Variants in ZNF777 observed in about 807,000 individuals in gnomAD.
ZNF777 encodes zinc finger protein 777.
Under a neutral mutation model 72.1 loss-of-function variants are expected in ZNF777, and 7 were observed. The observed-to-expected ratio is 0.10, with a 90% confidence interval of 0.06 to 0.18. ZNF777 has a LOEUF of 0.18. Ranked by LOEUF, ZNF777 falls within the 10% of genes least tolerant of loss-of-function variation. ZNF777 has a pLI of 1.00. For missense variants in ZNF777, 828 were observed against 1,128.6 expected (o/e 0.73, Z 3.82); for synonymous variants, 545 against 483.5 (o/e 1.13, Z -1.67).
intron 2 of ZNF777, 79 bp from the exon 3 acceptor site, chr7:149,454,316 A>T (rs1799780283): frequency 6.3e-6 from 10 of 1,584,784 alleles, no homozygotes; most frequent in Non-Finnish European, 7.7e-6. Context: ...CAAGGCCCAA[A>T]CTCCTGGCTC....
chr7:149,451,749 C>T (rs991352808), intron 3 of ZNF777, among the ~76,000 whole-genome samples: 3 of 151,902 alleles, frequency 2.0e-5, no homozygotes, highest in Admixed American at 1.3e-4. Flanking sequence ...CATAAAATAT[C>T]GATAGATTTT....
chr7:149,456,295 T>C (rs1310700001), intron 1 of ZNF777, among the ~76,000 whole-genome samples: 3 of 152,116 alleles, frequency 2.0e-5, no homozygotes, highest in South Asian at 4.1e-4. Context: ...CAACATACAT[T>C]GCACGGGTAC....
intron 4 of ZNF777, among the ~76,000 whole-genome samples, chr7:149,450,291 C>T (rs779395970): frequency 8.5e-5 from 13 of 152,138 alleles, no homozygotes; most frequent in South Asian, 4.1e-4. Flanking sequence ...GTGAATGGGG[C>T]GACCTCCAGG....
chr7:149,458,316 G>A (rs1376186485), intron 1 of ZNF777, among the ~76,000 whole-genome samples: 1 of 152,188 alleles, frequency 6.6e-6, no homozygotes, highest in Non-Finnish European at 1.5e-5. Flanking sequence ...AGCGCTGGGG[G>A]CCCTGGAGGC....
chr7:149,446,070 T>C (rs574502893), intron 4 of ZNF777, among the ~76,000 whole-genome samples: 2 of 152,212 alleles, frequency 1.3e-5, no homozygotes, highest in Non-Finnish European at 2.9e-5. Flanking sequence ...TTTTTAAAAG[T>C]TTCTTCACTC....
In ZNF777 at chr7:149,460,212, G is replaced by A. The variant is rs1004996087; in HGVS notation, c.-16+603C>T. The stretch of plus-strand genomic sequence containing the variant: ...GCTACTGCCGCCGCCGCTACTGCGC[G>A]CGGCCCCACGCAGGCCCGGCCGCCC... On this transcript the variant is annotated intron_variant, in intron 1 of 5. Coordinates refer to ENST00000247930, the MANE Select transcript of ZNF777 (RefSeq NM_015694.3). This position sits in a 1 kb window ranked among gnomAD's most constrained non-coding sequence, Gnocchi z 6.1. 5.6e-4 allele frequency: 323 copies of A among 578,470 alleles called. 1 individual carries two copies. The African/African-American group carries it at 6.3e-3, about 11-fold the overall frequency. The allele number at this position is 578,470 out of a possible 1,614,324, so 35.8% of individuals were successfully genotyped here. A position where few individuals can be genotyped will look rare whatever the true frequency, so the allele number is the denominator to read the frequency against.
chr7:149,448,590 TATATATATA>T (rs1345332236), intron 4 of ZNF777, among the ~76,000 whole-genome samples: 9 of 50,806 alleles, frequency 1.8e-4, no homozygotes, highest in Non-Finnish European at 8.1e-5. Context: ...TATATATATA[TATATATATA>T]TATATATATA....
intron 4 of ZNF777, among the ~76,000 whole-genome samples, chr7:149,444,428 C>T (rs768897169): frequency 8.5e-5 from 13 of 152,308 alleles, no homozygotes; most frequent in African/African-American, 3.1e-4. Flanking sequence ...GTGCCCCACT[C>T]GACTGGCTGC....
rs1463002041 is a variant in ZNF777, at chr7:149,454,219, C to T, written c.865G>A (p.Asp289Asn). The T allele has an allele frequency of 3.7e-6, 6 of 1,614,036 alleles. No homozygotes were observed. In the African/African-American group the frequency reaches 8.0e-5, roughly 22 times the overall value. ...EVPKVPVTFD[D>N]VAVHFSEQEW... Reference sequence around the variant, plus strand: ...TGCTCCGAGAAGTGCACAGCAACATCATCAAATGTGACAGGGACCTGAAAC... The same window carrying T: ...TGCTCCGAGAAGTGCACAGCAACATTATCAAATGTGACAGGGACCTGAAAC... The change falls in exon 3 of 6, where the codon GAT (aspartate) becomes AAT (asparagine). Residue 289 changes from aspartate (D) to asparagine (N), a missense_variant. Asp to Asn is a conservative substitution (Grantham distance 23). Transcript: ENST00000247930.
chr7:149,435,105 C>A (rs753040461), intron 5 of ZNF777, among the ~76,000 whole-genome samples: 1 of 152,152 alleles, frequency 6.6e-6, no homozygotes, highest in Non-Finnish European at 1.5e-5. Flanking sequence ...TTATGAAAGA[C>A]AGCATGGTAT....
At chr7:149,458,425 T>C (rs1051172622) in intron 1 of ZNF777, among the ~76,000 whole-genome samples, 1 of 151,880 alleles carries the variant, frequency 6.6e-6, no homozygotes, top group African/African-American at 2.4e-5. Context: ...TGCCTAGCAC[T>C]AGAAAGAAGA....
At chr7:149,457,846 T>A (rs1799862386) in intron 1 of ZNF777, among the ~76,000 whole-genome samples, 1 of 152,226 alleles carries the variant, frequency 6.6e-6, no homozygotes, top group Admixed American at 6.5e-5. Flanking sequence ...CAGGTACTAC[T>A]AGAGTTACTA....
chr7:149,454,670 C>CA (rs1475370598), intron 2 of ZNF777, among the ~76,000 whole-genome samples: 6 of 152,232 alleles, frequency 3.9e-5, no homozygotes, highest in African/African-American at 1.4e-4. Flanking sequence ...AGTCCACACT[C>CA]AAGCTCTTTC....
At chr7:149,443,381 G>A (rs889209831) in intron 4 of ZNF777, among the ~76,000 whole-genome samples, 7 of 152,092 alleles carry the variant, frequency 4.6e-5, no homozygotes, top group African/African-American at 1.7e-4. Flanking sequence ...CATAAAATTG[G>A]AATGAATAAA....
At chr7:149,454,713 C>T (rs911806950) in intron 2 of ZNF777, among the ~76,000 whole-genome samples, 3 of 152,236 alleles carry the variant, frequency 2.0e-5, no homozygotes, top group African/African-American at 7.2e-5. Context: ...GGAAACCTAA[C>T]TTCTCTAGCT....
intron 5 of ZNF777, among the ~76,000 whole-genome samples, chr7:149,435,224 G>A (rs536993602): frequency 6.6e-6 from 1 of 152,126 alleles, no homozygotes; most frequent in Non-Finnish European, 1.5e-5. Context: ...AGGCTGGAGT[G>A]CAGTGATACA....
At chr7:149,444,283 G>C (rs1490091583) in intron 4 of ZNF777, among the ~76,000 whole-genome samples, 1 of 152,126 alleles carries the variant, frequency 6.6e-6, no homozygotes, top group Non-Finnish European at 1.5e-5. Flanking sequence ...CCCAGCTTAC[G>C]ACTAATTATC....
chr7:149,436,239 T>C lies in ZNF777; in HGVS notation c.1339+336A>G, dbSNP rs958087824. Reference sequence around the variant, plus strand: ...GTGATATGAGATGATCAAGGACACGTTGGGAGAGTTCTAGCTTTGCCACTC... The same window carrying C: ...GTGATATGAGATGATCAAGGACACGCTGGGAGAGTTCTAGCTTTGCCACTC... On this transcript the variant is annotated intron_variant, in intron 5 of 5. Coordinates refer to ENST00000247930, the MANE Select transcript of ZNF777 (RefSeq NM_015694.3). This position sits in a 1 kb window ranked among gnomAD's most constrained non-coding sequence, Gnocchi z 5.0. Among the ~76,000 whole-genome samples the C allele has an allele frequency of 7.9e-5, 12 of 152,120 alleles. No individual in the cohort carries two copies. Among genetic ancestry groups the C allele is most frequent in the African/African-American group, 2.2e-4 (9 of 41,428 alleles).
At chr7:149,442,634 G>T (rs1169964013) in intron 4 of ZNF777, among the ~76,000 whole-genome samples, 1 of 148,658 alleles carries the variant, frequency 6.7e-6, no homozygotes, top group Non-Finnish European at 1.5e-5. Context: ...AAAAAAAAAA[G>T]TAAACCACAA....
Sources: allele counts gnomAD v4.1 joint callset (sites outside exome capture counted in the v4.1 genomes callset), GRCh38; gene constraint gnomAD v4.1.1; non-coding constraint Gnocchi (gnomAD v3.1); transcripts MANE v1.5; gene names NCBI Gene and HGNC (gene_info 2026-07-23, HGNC 2026-07-21).